Variants in NAP1L4 observed in about 807,000 individuals in gnomAD.
NAP1L4 encodes the protein nucleosome assembly protein 1 like 4.
NAP1L4 carries 15 observed loss-of-function variants against 58.2 expected under a neutral mutation model. The ratio of observed to expected loss-of-function variants is 0.26; its 90% CI spans 0.17 to 0.40. The LOEUF (loss-of-function observed/expected upper bound fraction) is 0.40. Among genes scored for constraint, NAP1L4 ranks in the 10% least tolerant of loss-of-function variants. The pLI is 1.00. For missense variants in NAP1L4, 384 were observed against 451.1 expected (o/e 0.85, Z 1.35); for synonymous variants, 171 against 155.6 (o/e 1.10, Z -0.74).
intron 4 of NAP1L4, 63 bp from the exon 5 acceptor site, chr11:2,972,306 A>G (rs943025547): frequency 5.6e-6 from 8 of 1,420,608 alleles, no homozygotes; most frequent in Non-Finnish European, 7.5e-6. Flanking sequence ...CATGCTTTTC[A>G]ATTTTATTAA....
At chr11:2,982,758 A>C (rs1012179358) in intron 1 of NAP1L4, among the ~76,000 whole-genome samples, 3 of 152,164 alleles carry the variant, frequency 2.0e-5, no homozygotes, top group African/African-American at 7.2e-5. Flanking sequence ...CCTGGGGGCT[A>C]ACACCTGTAA....
At chr11:2,956,834 TCA>T (rs1361753690) in intron 10 of NAP1L4, among the ~76,000 whole-genome samples, 2 of 152,216 alleles carry the variant, frequency 1.3e-5, no homozygotes, top group Non-Finnish European at 2.9e-5. Flanking sequence ...CTCCTTCACT[TCA>T]CACCACAGGA....
At chr11:2,985,294 CAA>C (rs1443191088) in intron 1 of NAP1L4, among the ~76,000 whole-genome samples, 3 of 152,170 alleles carry the variant, frequency 2.0e-5, no homozygotes, top group Admixed American at 2.0e-4. Context: ...AGAGTTCAGT[CAA>C]GTTTCAGCAC....
At position 2,951,601 on chromosome 11, in the gene NAP1L4, AAC is replaced by A. The variant is rs1347066596; in HGVS notation, c.1065+177_1065+178del. On this transcript the variant is annotated intron_variant, in intron 13 of 15. Coordinates refer to ENST00000380542, the MANE Select transcript of NAP1L4 (RefSeq NM_005969.4). The surrounding 1 kb of genome is among the most constrained non-coding windows in gnomAD (Gnocchi z 4.0). ...CAACTGCAGGGTCAAAAACGATGGA[AAC>A]TGTCACAGCATTTGCTATGCATTTC... Among the ~76,000 whole-genome samples the A allele has an allele frequency of 6.6e-6, 1 of 152,254 alleles. No homozygotes were observed. The highest frequency in any genetic ancestry group is 1.5e-5 in the Non-Finnish European group (1 of 68,050).
In NAP1L4 at chr11:2,954,661, C is replaced by A. The variant is rs746463925; in HGVS notation, c.916-15G>T. On this transcript the variant is annotated splice_polypyrimidine_tract_variant and intron_variant, in intron 11 of 15. Coordinates refer to ENST00000380542, the MANE Select transcript of NAP1L4 (RefSeq NM_005969.4). The surrounding 1 kb of genome is among the most constrained non-coding windows in gnomAD (Gnocchi z 4.8). ...GAATCTTCATCCTGAGGAGGAAAAA[C>A]CTACGTGTTAACTCATTTTAATGGG... The A allele has an allele frequency of 5.0e-6, 8 of 1,614,050 alleles. No homozygotes were observed. The highest frequency in any genetic ancestry group is 2.2e-5 in the East Asian group (1 of 44,904).
At chr11:2,984,313 C>T (rs1381535694) in intron 1 of NAP1L4, among the ~76,000 whole-genome samples, 1 of 152,132 alleles carries the variant, frequency 6.6e-6, no homozygotes, top group Non-Finnish European at 1.5e-5. Flanking sequence ...TGGCTCCCAC[C>T]TGTAATCCCA....
intron 1 of NAP1L4, among the ~76,000 whole-genome samples, chr11:2,985,338 A>C (rs1848556008): frequency 6.6e-6 from 1 of 152,202 alleles, no homozygotes; most frequent in African/African-American, 2.4e-5. Flanking sequence ...AATCCCTATC[A>C]CCCTTAAAAC....
rs1177686763 is a variant in NAP1L4, at chr11:2,990,753, A to C, written c.-18+1501T>G. On this transcript the variant is annotated intron_variant, in intron 1 of 15. Coordinates refer to ENST00000380542, the MANE Select transcript of NAP1L4 (RefSeq NM_005969.4). ...AGGGCCTCAGCTTCCAGAGTAGTTA[A>C]ATGGAAAAACAATAGCATCTATCTC... 5 of 172,012 alleles carry C rather than the reference A, an allele frequency of 2.9e-5. No individual in the cohort carries two copies. In the East Asian group the frequency reaches 8.2e-4, roughly 28 times the overall value. The allele number at this position is 172,012 out of a possible 1,614,324, so 10.7% of individuals were successfully genotyped here.
chr11:2,954,838 A>G lies in NAP1L4; in HGVS notation c.916-192T>C. The G allele has an allele frequency of 1.5e-6, 1 of 666,952 alleles. No individual in the cohort carries two copies. Among genetic ancestry groups the G allele is most frequent in the East Asian group, 2.8e-5 (1 of 35,806 alleles). 41.3% of individuals were successfully genotyped at this position (666,952 alleles called of 1,614,324 possible). On this transcript the variant is annotated intron_variant, in intron 11 of 15. Coordinates refer to ENST00000380542, the MANE Select transcript of NAP1L4 (RefSeq NM_005969.4). This position sits in a 1 kb window ranked among gnomAD's most constrained non-coding sequence, Gnocchi z 4.8. ...CAACTTTAAGTAGCTTTAAAGAGCT[A>G]CTGAAGCAAAATGGCAGAGAAAGTG...
intron 1 of NAP1L4, among the ~76,000 whole-genome samples, chr11:2,991,560 G>A (rs1184306289): frequency 6.6e-6 from 1 of 152,110 alleles, no homozygotes; most frequent in Non-Finnish European, 1.5e-5. Flanking sequence ...AGGCCACTCA[G>A]GCCAGTCCTC....
At chr11:2,957,998 C>CG (rs1165660550) in intron 10 of NAP1L4, among the ~76,000 whole-genome samples, 2 of 152,118 alleles carry the variant, frequency 1.3e-5, no homozygotes, top group Admixed American at 6.5e-5. Flanking sequence ...GAGTGGTCCC[C>CG]GGGGGGTGCG....
chr11:2,961,046 T>TA (rs2065351644), intron 8 of NAP1L4, among the ~76,000 whole-genome samples: 1 of 152,074 alleles, frequency 6.6e-6, no homozygotes, highest in African/African-American at 2.4e-5. Context: ...TTAATCTGTA[T>TA]CACTTAGAGC....
At chr11:2,965,989 T>C (rs540539470) in intron 7 of NAP1L4, among the ~76,000 whole-genome samples, 120 of 152,300 alleles carry the variant, frequency 7.9e-4, no homozygotes, top group African/African-American at 2.8e-3. Flanking sequence ...TGCCAATACC[T>C]GTCAGCTTAG....
At chr11:2,977,838 A>G (rs1271701910) in intron 3 of NAP1L4, among the ~76,000 whole-genome samples, 1 of 149,328 alleles carries the variant, frequency 6.7e-6, no homozygotes, top group Non-Finnish European at 1.5e-5. Flanking sequence ...TTTGCTTTCC[A>G]AAGGAAGGAA....
At chr11:2,989,006 A>G (rs1848804849) in intron 1 of NAP1L4, 1 of 152,194 alleles carries the variant, frequency 6.6e-6, no homozygotes. Context: ...TATTTCTTAA[A>G]AATTTCATTA....
chr11:2,951,092 G>T lies in NAP1L4; in HGVS notation c.1122+167C>A, dbSNP rs1335959662. On this transcript the variant is annotated intron_variant, in intron 14 of 15. Transcript: ENST00000380542. This position sits in a 1 kb window ranked among gnomAD's most constrained non-coding sequence, Gnocchi z 4.0. Reference sequence around the variant, plus strand: ...ATGTACACTCAACACTCAAATTATAGACACAGTGTCTGAATAATCATTCCA... The same window carrying T: ...ATGTACACTCAACACTCAAATTATATACACAGTGTCTGAATAATCATTCCA... 1 of 665,772 alleles carries T rather than the reference G, an allele frequency of 1.5e-6. No homozygotes were observed. The highest frequency in any genetic ancestry group is 1.8e-5 in the South Asian group (1 of 54,928). 41.2% of individuals were successfully genotyped at this position (665,772 alleles called of 1,614,324 possible). A position where few individuals can be genotyped will look rare whatever the true frequency, so the allele number is the denominator to read the frequency against.
Position 2,949,577 on chromosome 11 carries a change from G to T in NAP1L4, c.1123-313C>A, listed in dbSNP as rs1387174559. On this transcript the variant is annotated intron_variant, in intron 14 of 15. Transcript: ENST00000380542. This position sits in a 1 kb window ranked among gnomAD's most constrained non-coding sequence, Gnocchi z 4.0. The stretch of plus-strand genomic sequence containing the variant: ...GGACAGCAGGCTTGGCCTTATCCTG[G>T]CCACACATGCCGGGCCGTCTCTGAA... Among the ~76,000 whole-genome samples the T allele has an allele frequency of 6.6e-6, 1 of 152,168 alleles. No individual in the cohort carries two copies. Among genetic ancestry groups the T allele is most frequent in the Non-Finnish European group, 1.5e-5 (1 of 68,046 alleles).
rs769211660 is a variant in NAP1L4 at position 2,972,265 on chromosome 11, A to G, written c.174-22T>C. ...TAAACTAAAAAAGGGAGTAAGAAAT[A>G]CAACATCCTCATGCCTGCAAAATAA... On this transcript the variant is annotated intron_variant, in intron 4 of 15. Coordinates refer to ENST00000380542, the MANE Select transcript of NAP1L4 (RefSeq NM_005969.4). 1.2e-5 allele frequency: 19 copies of G among 1,584,654 alleles called. No homozygotes were observed. In the Admixed American group the frequency reaches 3.2e-4, roughly 27 times the overall value.
In NAP1L4 at chr11:2,971,626, T is replaced by A; in HGVS notation, c.316-92A>T. Reference sequence around the variant, plus strand: ...TATAAATAATGTCTACTAAAAGACTTTGAAAACTGGATATTTTTATAACTT... The same window carrying A: ...TATAAATAATGTCTACTAAAAGACTATGAAAACTGGATATTTTTATAACTT... On this transcript the variant is annotated intron_variant, in intron 5 of 15. Transcript: ENST00000380542. The surrounding 1 kb of genome is among the most constrained non-coding windows in gnomAD (Gnocchi z 4.2). The A allele has an allele frequency of 1.0e-6, 1 of 958,492 alleles. No homozygotes were observed. The highest frequency in any genetic ancestry group is 1.5e-6 in the Non-Finnish European group (1 of 651,054). The allele number at this position is 958,492 out of a possible 1,614,324, so 59.4% of individuals were successfully genotyped here.
Sources: gnomAD v4.1 joint callset for allele counts (sites outside exome capture counted in the v4.1 genomes callset) on GRCh38, gnomAD v4.1.1 for gene constraint, Gnocchi (gnomAD v3.1) non-coding constraint, MANE v1.5 for transcripts, NCBI Gene and HGNC (gene_info 2026-07-23, HGNC 2026-07-21) for gene names.